AGMO: variants seen among roughly 807,000 people sequenced by gnomAD.
The protein encoded by AGMO is glyceryl-ether monooxygenase.
A neutral mutation model predicts 60.2 loss-of-function variants in AGMO; 75 were observed. That is an observed-to-expected ratio of 1.25 (90% CI 1.03 to 1.51). AGMO has a LOEUF of 1.51. Among genes scored for constraint, AGMO ranks in the 40% most tolerant of loss-of-function variants. AGMO has a pLI of 0.00. For synonymous variants in AGMO, 261 were observed against 177.1 expected (o/e 1.47, Z -3.76); for missense variants, 763 against 525.5 (o/e 1.45, Z -4.42).
chr7:15,416,970 C>G (rs6963643), intron 5 of AGMO, among the ~76,000 whole-genome samples: 108,317 of 152,088 alleles, frequency 0.71, 39,069 homozygotes, highest in Middle Eastern at 0.81. Context: ...CCAATCTCTT[C>G]GCTCTCCATC....
chr7:15,377,957 T>C (rs553895854), intron 10 of AGMO, among the ~76,000 whole-genome samples: 6 of 152,186 alleles, frequency 3.9e-5, no homozygotes, highest in African/African-American at 9.6e-5. Context: ...GTTTCAAATT[T>C]TGTCATTTTG....
intron 3 of AGMO, among the ~76,000 whole-genome samples, chr7:15,486,321 G>C (rs965051945): frequency 3.7e-4 from 56 of 152,218 alleles, no homozygotes; most frequent in African/African-American, 1.3e-3. Context: ...AAGAGATGTG[G>C]CTATGTACAG....
At chr7:15,544,973 A>T in intron 2 of AGMO, 50 bp from the exon 3 acceptor site, 1 of 1,295,900 alleles carries the variant, frequency 7.7e-7, no homozygotes, top group Non-Finnish European at 1.0e-6. Context: ...TTAGAAAAAA[A>T]ATTACGCTAA....
chr7:15,276,039 T>TG (rs1239791503), intron 12 of AGMO, among the ~76,000 whole-genome samples: 4 of 152,202 alleles, frequency 2.6e-5, no homozygotes, highest in Admixed American at 1.3e-4. Flanking sequence ...ATGTTAATAT[T>TG]GATATGTGAG....
intron 12 of AGMO, among the ~76,000 whole-genome samples, chr7:15,330,471 A>C (rs1350530182): frequency 3.3e-5 from 5 of 152,186 alleles, no homozygotes; most frequent in Non-Finnish European, 5.9e-5. Flanking sequence ...ATCTATATGA[A>C]CAAAAGACAA....
intron 12 of AGMO, among the ~76,000 whole-genome samples, chr7:15,264,897 GA>G (rs1245156518): frequency 6.6e-6 from 1 of 151,948 alleles, no homozygotes; most frequent in Non-Finnish European, 1.5e-5. Context: ...ACTCAAAACA[GA>G]ACTACCATTC....
chr7:15,395,909 A>C (rs1347853198), intron 5 of AGMO: 1 of 152,170 alleles, frequency 6.6e-6, no homozygotes, highest in Non-Finnish European at 1.5e-5. Context: ...TGGGGTGACC[A>C]TATCCTCAGC....
intron 12 of AGMO, among the ~76,000 whole-genome samples, chr7:15,282,378 A>G (rs1035684992): frequency 3.9e-5 from 6 of 152,154 alleles, no homozygotes; most frequent in African/African-American, 1.4e-4. Context: ...TATTTTACAG[A>G]AAAACCAATC....
chr7:15,245,205 G>C (rs1434252672), intron 12 of AGMO, among the ~76,000 whole-genome samples: 1 of 151,734 alleles, frequency 6.6e-6, no homozygotes, highest in Non-Finnish European at 1.5e-5. Context: ...CTTTTTCTTT[G>C]ACTACAATGA....
At chr7:15,396,717 A>G (rs1017268880) in intron 5 of AGMO, 2 of 151,442 alleles carry the variant, frequency 1.3e-5, no homozygotes, top group Admixed American at 1.3e-4. Flanking sequence ...CAGAGAGCTG[A>G]TTGGTCCACT....
intron 2 of AGMO, among the ~76,000 whole-genome samples, chr7:15,549,386 G>GTGAA (rs1784881373): frequency 6.6e-6 from 1 of 152,104 alleles, no homozygotes; most frequent in South Asian, 2.1e-4. Context: ...TGGATAAAGA[G>GTGAA]TGAAGACCCA....
chr7:15,170,269 T>A, the AGMO span, among the ~76,000 whole-genome samples: 1 of 152,230 alleles, frequency 6.6e-6, no homozygotes, highest in African/African-American at 2.4e-5. Flanking sequence ...ATCTCTTGAT[T>A]TGTGAGAAAA....
intron 12 of AGMO, among the ~76,000 whole-genome samples, chr7:15,260,138 G>T (rs531043738): frequency 6.8e-6 from 1 of 147,594 alleles, no homozygotes; most frequent in Non-Finnish European, 1.5e-5. Context: ...AAAAGATACA[G>T]AATGGCAGAA....
chr7:15,342,091 T>A (rs1369895037), intron 12 of AGMO, among the ~76,000 whole-genome samples: 1 of 142,210 alleles, frequency 7.0e-6, no homozygotes, highest in Non-Finnish European at 1.5e-5. Context: ...GGCTGAATCA[T>A]AGGATGCATT....
intron 3 of AGMO, among the ~76,000 whole-genome samples, chr7:15,520,464 C>A (rs1225535264): frequency 1.3e-5 from 2 of 152,148 alleles, no homozygotes; most frequent in Non-Finnish European, 2.9e-5. Context: ...CACTCCTCAG[C>A]AAATCCAAAA....
chr7:15,120,714 C>T, the AGMO span, among the ~76,000 whole-genome samples: 2 of 152,060 alleles, frequency 1.3e-5, no homozygotes, highest in Admixed American at 1.3e-4. Context: ...ACATAGTCTA[C>T]AGTATTTTAG....
chr7:15,192,270 A>C, the AGMO span, among the ~76,000 whole-genome samples: 1 of 148,742 alleles, frequency 6.7e-6, no homozygotes. Context: ...CATGCCCCCC[A>C]CATCCTGTAC....
At chr7:15,433,764 T>C (rs1781322429) in intron 3 of AGMO, among the ~76,000 whole-genome samples, 1 of 96,342 alleles carries the variant, frequency 1.0e-5, no homozygotes, top group Non-Finnish European at 2.4e-5. Flanking sequence ...AAATTATAGA[T>C]TATATTAATA....
chr7:15,341,633 C>T (rs1781851079), intron 12 of AGMO, among the ~76,000 whole-genome samples: 1 of 152,166 alleles, frequency 6.6e-6, no homozygotes, highest in Admixed American at 6.5e-5. Flanking sequence ...GGTACTTTTA[C>T]AGCAGCACAC....
Sources: gnomAD v4.1 joint callset for allele counts (sites outside exome capture counted in the v4.1 genomes callset) on GRCh38, gnomAD v4.1.1 for gene constraint, MANE v1.5 for transcripts, NCBI Gene and HGNC (gene_info 2026-07-23, HGNC 2026-07-21) for gene names.